The following NR1H4 variants were observed in gnomAD, a reference collection of about 807,000 sequenced individuals.
NR1H4 encodes the protein bile acid receptor.
NR1H4 carries 23 observed loss-of-function variants against 58.5 expected under a neutral mutation model. The observed-to-expected ratio is 0.39, with a 90% CI of 0.28 to 0.56. NR1H4 has a LOEUF of 0.56. NR1H4 is among the 20% of genes least tolerant of loss of function. NR1H4 has a pLI of 0.58. For missense variants in NR1H4, 487 were observed against 576.9 expected (o/e 0.84, Z 1.60); for synonymous variants, 214 against 198.0 (o/e 1.08, Z -0.68).
At chr12:100,547,291 G>T (rs1340449786) in intron 9 of NR1H4, among the ~76,000 whole-genome samples, 1 of 152,126 alleles carries the variant, frequency 6.6e-6, no homozygotes. Context: ...ATTGTCACAA[G>T]AAACAAAGCT....
At chr12:100,482,995 G>A (rs758292861) in intron 1 of NR1H4, among the ~76,000 whole-genome samples, 1 of 152,024 alleles carries the variant, frequency 6.6e-6, no homozygotes, top group South Asian at 2.1e-4. Flanking sequence ...GCGCAATCTC[G>A]GCTCACTGCA....
chr12:100,496,424 C>T (rs892944182), intron 3 of NR1H4, among the ~76,000 whole-genome samples: 4 of 151,962 alleles, frequency 2.6e-5, no homozygotes, highest in South Asian at 2.1e-4. Flanking sequence ...GAGAACATTC[C>T]GGGAGGAGAC....
At chr12:100,508,772 C>A (rs572629212) in intron 3 of NR1H4, among the ~76,000 whole-genome samples, 3 of 152,148 alleles carry the variant, frequency 2.0e-5, no homozygotes, top group Non-Finnish European at 4.4e-5. Flanking sequence ...TTGAGCACAG[C>A]AAAGAGCATT....
At chr12:100,544,921 A>T (rs2136271145) in intron 9 of NR1H4, among the ~76,000 whole-genome samples, 1 of 152,158 alleles carries the variant, frequency 6.6e-6, no homozygotes, top group South Asian at 2.1e-4. Flanking sequence ...TTGGATATGG[A>T]AGTTCTGTTG....
chr12:100,506,671 C>A (rs150713090), intron 3 of NR1H4, among the ~76,000 whole-genome samples: 3,378 of 152,148 alleles, frequency 0.022, 99 homozygotes, highest in Non-Finnish European at 0.027. Context: ...CCACGTCCAG[C>A]TAATTTTTGT....
At chr12:100,559,807 C>T (rs1033302830) in intron 9 of NR1H4, among the ~76,000 whole-genome samples, 4 of 152,252 alleles carry the variant, frequency 2.6e-5, no homozygotes, top group Non-Finnish European at 5.9e-5. Context: ...ACCTGCAGCC[C>T]TGGTGCCGGA....
intron 4 of NR1H4, among the ~76,000 whole-genome samples, chr12:100,522,048 C>T (rs1404880616): frequency 2.6e-5 from 4 of 151,944 alleles, no homozygotes; most frequent in Non-Finnish European, 5.9e-5. Flanking sequence ...CTTAACCTTT[C>T]TGATCTTTAG....
At chr12:100,560,291 C>T (rs936034793) in intron 9 of NR1H4, among the ~76,000 whole-genome samples, 1 of 152,224 alleles carries the variant, frequency 6.6e-6, no homozygotes, top group Non-Finnish European at 1.5e-5. Context: ...CCCGCATTGG[C>T]AACCCACTCG....
intron 1 of NR1H4, among the ~76,000 whole-genome samples, chr12:100,475,196 A>G (rs186291020): frequency 4.7e-4 from 71 of 150,930 alleles, no homozygotes; most frequent in African/African-American, 1.7e-3. Context: ...GGAAGGGAGA[A>G]GAGAGGAAAA....
In NR1H4 at chr12:100,494,709, G is replaced by A. The variant is rs772288315; in HGVS notation, c.79+1307G>A. Among the ~76,000 whole-genome samples the A allele has an allele frequency of 3.3e-5, 5 of 152,298 alleles. No individual in the cohort carries two copies. The East Asian group carries it at 5.8e-4, about 18-fold the overall frequency. On this transcript the variant is annotated intron_variant, in intron 3 of 10. Coordinates refer to ENST00000392986, the MANE Select transcript of NR1H4 (RefSeq NM_001206979.2). ...TTGCTTCTGGCCTGCCTGCCCTTCC[G>A]TGGTTCCTCAGAACAGAGTCAATGT...
At chr12:100,512,386 AATCCC>A (rs922697615) in intron 4 of NR1H4, among the ~76,000 whole-genome samples, 5 of 152,220 alleles carry the variant, frequency 3.3e-5, no homozygotes, top group African/African-American at 1.2e-4. Context: ...TCACGCCTGT[AATCCC>A]AGCACTTTGG....
intron 1 of NR1H4, among the ~76,000 whole-genome samples, chr12:100,482,354 A>G (rs1386872599): frequency 1.3e-5 from 2 of 152,022 alleles, no homozygotes; most frequent in Non-Finnish European, 2.9e-5. Context: ...GCCTCTATTC[A>G]CTAATTTCTG....
intron 4 of NR1H4, among the ~76,000 whole-genome samples, chr12:100,518,041 A>G (rs2136187118): frequency 6.6e-6 from 1 of 152,330 alleles, no homozygotes; most frequent in Middle Eastern, 3.4e-3. Context: ...TTTAGCTGTT[A>G]AAGAATCAGT....
chr12:100,541,454 G>C (rs1021056080), intron 9 of NR1H4, among the ~76,000 whole-genome samples: 1 of 151,764 alleles, frequency 6.6e-6, no homozygotes, highest in South Asian at 2.1e-4. Context: ...GCTAATTTTG[G>C]TATTTTTAGT....
intron 9 of NR1H4, among the ~76,000 whole-genome samples, chr12:100,554,357 G>T (rs1414119678): frequency 6.7e-6 from 1 of 150,240 alleles, no homozygotes; most frequent in Non-Finnish European, 1.5e-5. Context: ...AAGATACTAG[G>T]ATATATGTCT....
chr12:100,532,425 G>A, intron 4 of NR1H4, 33 bp from the exon 5 acceptor site: 1 of 1,612,494 alleles, frequency 6.2e-7, no homozygotes, highest in Non-Finnish European at 8.5e-7. Context: ...GCTGTGAGAG[G>A]ACTTTTTACA....
intron 3 of NR1H4, chr12:100,503,485 A>G: frequency 6.3e-7 from 1 of 1,596,024 alleles, no homozygotes; most frequent in Non-Finnish European, 8.5e-7. Context: ...ATGAGTATGA[A>G]GCCCGCGAAA....
chr12:100,554,446 T>A (rs1054658981), intron 9 of NR1H4, among the ~76,000 whole-genome samples: 1 of 151,716 alleles, frequency 6.6e-6, no homozygotes, highest in African/African-American at 2.4e-5. Flanking sequence ...TTGTTCCCAA[T>A]TACGACTAGA....
chr12:100,551,010 CAA>C (rs1455422763), intron 9 of NR1H4, among the ~76,000 whole-genome samples: 1 of 152,118 alleles, frequency 6.6e-6, no homozygotes, highest in African/African-American at 2.4e-5. Flanking sequence ...TACAGCTAAT[CAA>C]AAGAGTGCGA....
Sources: allele counts gnomAD v4.1 joint callset (sites outside exome capture counted in the v4.1 genomes callset), GRCh38; gene constraint gnomAD v4.1.1; transcripts MANE v1.5; gene names NCBI Gene and HGNC (gene_info 2026-07-23, HGNC 2026-07-21).